Variants in SV2C observed in about 807,000 individuals in gnomAD.
SV2C encodes the protein synaptic vesicle glycoprotein 2C.
In SV2C, 49 loss-of-function variants were observed where a neutral mutation model predicts 79.7. The ratio of observed to expected loss-of-function variants is 0.61; its 90% confidence interval spans 0.49 to 0.78. SV2C has a LOEUF of 0.78. Ranked by LOEUF, SV2C falls within the 30% of genes least tolerant of loss-of-function variation. The pLI, the probability that SV2C is intolerant of heterozygous loss-of-function variation, is 0.00. For missense variants in SV2C, 833 were observed against 912.9 expected, an observed-to-expected ratio of 0.91 and a Z score of 1.13; for synonymous variants, 334 against 333.2, an observed-to-expected ratio of 1.00 and a Z score of -0.03.
the SV2C span, among the ~76,000 whole-genome samples, chr5:75,949,079 G>A: frequency 3.3e-5 from 5 of 151,682 alleles, no homozygotes; most frequent in South Asian, 2.1e-4. Context: ...CCTGAGAATC[G>A]ATCCTGTAGC....
At chr5:75,982,044 C>T in the SV2C span, among the ~76,000 whole-genome samples, 4 of 128,608 alleles carry the variant, frequency 3.1e-5, no homozygotes, top group Non-Finnish European at 4.6e-5. Context: ...ATCACATGGA[C>T]ACAGGAAGGG....
At chr5:76,049,352 A>C in the SV2C span, among the ~76,000 whole-genome samples, 2 of 151,612 alleles carry the variant, frequency 1.3e-5, no homozygotes, top group Admixed American at 1.3e-4. Context: ...AAAAAAAATC[A>C]AGGTCTGTAT....
chr5:76,066,680 AAAGT>A, the SV2C span, among the ~76,000 whole-genome samples: 1 of 152,130 alleles, frequency 6.6e-6, no homozygotes, highest in African/African-American at 2.4e-5. Context: ...CCTGTTTTAA[AAAGT>A]AACTGAACTG....
At chr5:76,301,278 A>G (rs972163133) in intron 11 of SV2C, 108 bp from the exon 12 acceptor site, 2 of 1,442,154 alleles carry the variant, frequency 1.4e-6, no homozygotes, top group Admixed American at 2.0e-5. Flanking sequence ...CCCATCCTGC[A>G]GCTTCCACTT....
chr5:76,191,788 A>G (rs1247234673), intron 2 of SV2C, among the ~76,000 whole-genome samples: 4 of 152,260 alleles, frequency 2.6e-5, no homozygotes, highest in African/African-American at 4.8e-5. Flanking sequence ...CACCAGAACT[A>G]TGGTAGGAAG....
At chr5:75,848,536 G>T in the SV2C span, among the ~76,000 whole-genome samples, 1 of 152,230 alleles carries the variant, frequency 6.6e-6, no homozygotes, top group Non-Finnish European at 1.5e-5. Flanking sequence ...GAGAATCACT[G>T]CTGGACTGAG....
chr5:76,134,289 A>G (rs896108135), intron 2 of SV2C, among the ~76,000 whole-genome samples: 2 of 152,196 alleles, frequency 1.3e-5, no homozygotes, highest in African/African-American at 4.8e-5. Flanking sequence ...GAGCATTTTA[A>G]TGCTTTCATA....
the SV2C span, among the ~76,000 whole-genome samples, chr5:75,983,901 C>T: frequency 6.6e-6 from 1 of 152,066 alleles, no homozygotes; most frequent in African/African-American, 2.4e-5. Context: ...CATTCTAATC[C>T]TTTACTCAAA....
the SV2C span, among the ~76,000 whole-genome samples, chr5:75,952,218 C>G: frequency 6.6e-6 from 1 of 151,596 alleles, no homozygotes; most frequent in South Asian, 2.1e-4. Flanking sequence ...TTAACTTATT[C>G]TGATTTCCAA....
intron 12 of SV2C, among the ~76,000 whole-genome samples, chr5:76,346,825 C>T (rs1039349048): frequency 6.6e-6 from 1 of 152,184 alleles, no homozygotes; most frequent in Non-Finnish European, 1.5e-5. Flanking sequence ...CTCCCACTGG[C>T]GCCTCCCTTC....
chr5:76,274,848 T>C (rs1216131459), intron 4 of SV2C, among the ~76,000 whole-genome samples: 1 of 152,174 alleles, frequency 6.6e-6, no homozygotes, highest in Non-Finnish European at 1.5e-5. Context: ...GATTACATAG[T>C]ATTTATATTT....
chr5:76,083,662 C>A (rs1392794187), intron 1 of SV2C, 150 bp downstream of exon 1: 1 of 152,404 alleles, frequency 6.6e-6, no homozygotes, highest in Non-Finnish European at 1.5e-5. Context: ...CCCGGGGAAG[C>A]GGCTGCAGGT....
At chr5:76,049,557 T>G in the SV2C span, among the ~76,000 whole-genome samples, 1 of 152,170 alleles carries the variant, frequency 6.6e-6, no homozygotes, top group Non-Finnish European at 1.5e-5. Context: ...ATTTCTGCAA[T>G]GGGTATGGGC....
At chr5:76,150,457 C>T (rs192337941) in intron 2 of SV2C, among the ~76,000 whole-genome samples, 24 of 151,500 alleles carry the variant, frequency 1.6e-4, no homozygotes, top group African/African-American at 5.8e-4. Context: ...ATTACAGGCG[C>T]GAGCCACGGC....
chr5:75,985,479 C>T, the SV2C span, among the ~76,000 whole-genome samples: 1 of 151,976 alleles, frequency 6.6e-6, no homozygotes, highest in Admixed American at 6.6e-5. Flanking sequence ...CCTGTGCTCT[C>T]TCCAGGATAT....
chr5:76,012,387 G>C, the SV2C span, among the ~76,000 whole-genome samples: 3 of 152,114 alleles, frequency 2.0e-5, no homozygotes, highest in East Asian at 5.8e-4. Context: ...TCATATGTTT[G>C]TTGGCCACAC....
chr5:75,983,167 T>C, the SV2C span, among the ~76,000 whole-genome samples: 1 of 152,118 alleles, frequency 6.6e-6, no homozygotes, highest in East Asian at 1.9e-4. Context: ...CAACAGACCC[T>C]CATAACACAA....
chr5:76,057,135 C>T, the SV2C span, among the ~76,000 whole-genome samples: 20 of 152,084 alleles, frequency 1.3e-4, no homozygotes, highest in African/African-American at 4.6e-4. Flanking sequence ...TCATTTGGTG[C>T]TACAAATTTC....
At chr5:76,101,908 C>G (rs1050015242) in intron 1 of SV2C, among the ~76,000 whole-genome samples, 2 of 152,130 alleles carry the variant, frequency 1.3e-5, no homozygotes, top group Non-Finnish European at 2.9e-5. Flanking sequence ...AAGAAGGCAA[C>G]TAACATTTGC....
Sources: allele counts gnomAD v4.1 joint callset (sites outside exome capture counted in the v4.1 genomes callset), GRCh38; gene constraint gnomAD v4.1.1; transcripts MANE v1.5; gene names NCBI Gene and HGNC (gene_info 2026-07-23, HGNC 2026-07-21).